COL26A1: variants seen among roughly 807,000 people sequenced by gnomAD.
The protein encoded by COL26A1 is collagen type XXVI alpha 1 chain.
In COL26A1, 41 loss-of-function variants were observed where a neutral mutation model predicts 59.3. The observed-to-expected ratio is 0.69, with a 90% CI of 0.54 to 0.90. The LOEUF (loss-of-function observed/expected upper bound fraction) is 0.90. COL26A1 is among the 40% of genes least tolerant of loss of function. COL26A1 has a pLI of 0.00. For missense variants in COL26A1, 612 were observed against 602.3 expected, an observed-to-expected ratio of 1.02 and a Z score of -0.17; for synonymous variants, 266 against 256.0, an observed-to-expected ratio of 1.04 and a Z score of -0.37.
intron 3 of COL26A1, among the ~76,000 whole-genome samples, chr7:101,493,131 G>A (rs1166623976): frequency 1.3e-5 from 2 of 152,164 alleles, no homozygotes; most frequent in African/African-American, 2.4e-5. Context: ...ACATTCAGCC[G>A]GGAAATGTCA....
At chr7:101,512,515 G>A (rs555266779) in intron 3 of COL26A1, among the ~76,000 whole-genome samples, 1 of 152,256 alleles carries the variant, frequency 6.6e-6, no homozygotes, top group East Asian at 1.9e-4. Context: ...CAAGCTACTA[G>A]GGAGGCTGAG....
rs575042646 is a variant in COL26A1 at position 101,426,932 on chromosome 7, G to A, written c.281+6833G>A. Among the ~76,000 whole-genome samples the A allele has an allele frequency of 8.7e-4, 132 of 152,280 alleles. 2 individuals carry two copies. The highest frequency in any genetic ancestry group is 2.8e-3 in the African/African-American group (116 of 41,564). On this transcript the variant is annotated intron_variant, in intron 2 of 12. Coordinates refer to ENST00000313669, the MANE Select transcript of COL26A1 (RefSeq NM_001278563.3). ...AACCCCAGCTGGGCCCTGTGTAGCC[G>A]CCTTGTGTGGTACTCTGTTGCTTAC... is the stretch of plus-strand genomic sequence containing the variant.
chr7:101,362,516 C>T (rs926581800), upstream of COL26A1, among the ~76,000 whole-genome samples: 1 of 152,198 alleles, frequency 6.6e-6, no homozygotes, highest in East Asian at 1.9e-4. Flanking sequence ...GCTTAACTTT[C>T]TCCAGCCTCA....
chr7:101,501,771 C>T (rs568021647), intron 3 of COL26A1, among the ~76,000 whole-genome samples: 4 of 152,270 alleles, frequency 2.6e-5, no homozygotes, highest in Non-Finnish European at 5.9e-5. Context: ...TGTGAGTGTG[C>T]GCCATGGGCT....
chr7:101,380,281 C>T (rs1393071041), intron 1 of COL26A1, among the ~76,000 whole-genome samples: 2 of 149,538 alleles, frequency 1.3e-5, no homozygotes, highest in African/African-American at 2.4e-5. Flanking sequence ...TAAGCTACTG[C>T]ACCCAGCTAC....
At chr7:101,486,458 G>A (rs558696918) in intron 3 of COL26A1, among the ~76,000 whole-genome samples, 24 of 152,238 alleles carry the variant, frequency 1.6e-4, no homozygotes, top group Non-Finnish European at 3.2e-4. Flanking sequence ...ACTTGCACAG[G>A]CAGGTCCCTG....
intron 3 of COL26A1, among the ~76,000 whole-genome samples, chr7:101,473,749 A>G (rs1263827395): frequency 6.6e-6 from 1 of 151,818 alleles, no homozygotes; most frequent in Non-Finnish European, 1.5e-5. Flanking sequence ...GCTACTTGGG[A>G]GATTGTGGTG....
chr7:101,554,860 A>G (rs1294378459), intron 11 of COL26A1, among the ~76,000 whole-genome samples: 1 of 152,092 alleles, frequency 6.6e-6, no homozygotes, highest in Non-Finnish European at 1.5e-5. Flanking sequence ...AGTTGGGGAC[A>G]CGACACTGAC....
intron 1 of COL26A1, among the ~76,000 whole-genome samples, chr7:101,390,618 T>G (rs930217870): frequency 6.6e-6 from 1 of 152,022 alleles, no homozygotes; most frequent in Admixed American, 6.6e-5. Flanking sequence ...AGAAATGGGA[T>G]CTTGCTATAT....
chr7:101,364,272 T>C (rs998412296), intron 1 of COL26A1, among the ~76,000 whole-genome samples: 2 of 152,200 alleles, frequency 1.3e-5, no homozygotes, highest in Non-Finnish European at 2.9e-5. Flanking sequence ...AACTACAACC[T>C]ACACAGCTAT....
At chr7:101,387,760 A>ATTT (rs1791620097) in intron 1 of COL26A1, among the ~76,000 whole-genome samples, 1 of 33,316 alleles carries the variant, frequency 3.0e-5, no homozygotes, top group Non-Finnish European at 7.1e-5. Context: ...ATATTTATAT[A>ATTT]TATATATATA....
At chr7:101,410,092 G>A (rs2130237133) in intron 1 of COL26A1, among the ~76,000 whole-genome samples, 1 of 152,168 alleles carries the variant, frequency 6.6e-6, no homozygotes, top group East Asian at 1.9e-4. Context: ...GGTTTGGTGG[G>A]CAGGGGGCTA....
At chr7:101,551,237 G>GGGTTGGGGGGGGGGC in intron 10 of COL26A1, 94 bp downstream of exon 10, 1 of 386,366 alleles carries the variant, frequency 2.6e-6, no homozygotes. Context: ...TGGTGGGGGG[G>GGGTTGGGGGGGGGGC]TTCAGCCCTG....
chr7:101,500,003 C>T (rs1432361127), intron 3 of COL26A1, among the ~76,000 whole-genome samples: 1 of 152,022 alleles, frequency 6.6e-6, no homozygotes, highest in Admixed American at 6.6e-5. Flanking sequence ...ATTCCCATAA[C>T]CATTTGACAG....
chr7:101,387,630 G>GCTCTCTCTCTCTCTCTCTCTCT (rs374185692), intron 1 of COL26A1, among the ~76,000 whole-genome samples: 14 of 132,424 alleles, frequency 1.1e-4, no homozygotes, highest in African/African-American at 4.0e-4. Context: ...TCTCTCTCTC[G>GCTCTCTCTCTCTCTCTCTCTCT]CTCTCTCTCT....
At chr7:101,491,864 C>G (rs1321709764) in intron 3 of COL26A1, among the ~76,000 whole-genome samples, 1 of 152,220 alleles carries the variant, frequency 6.6e-6, no homozygotes, top group Non-Finnish European at 1.5e-5. Context: ...TCTGGGAATG[C>G]ACGCAGTAGA....
chr7:101,463,797 C>CTT (rs1258235234), intron 3 of COL26A1, among the ~76,000 whole-genome samples: 32 of 62,278 alleles, frequency 5.1e-4, no homozygotes, highest in African/African-American at 1.6e-3. Context: ...TCCTTTCTTT[C>CTT]TCTCTCTCTT....
At chr7:101,496,988 A>G (rs959402490) in intron 3 of COL26A1, among the ~76,000 whole-genome samples, 13 of 152,134 alleles carry the variant, frequency 8.5e-5, no homozygotes, top group African/African-American at 2.7e-4. Context: ...CTGTAATCCC[A>G]GCATTTTGGG....
chr7:101,514,332 T>C (rs1794985424), intron 3 of COL26A1, among the ~76,000 whole-genome samples: 1 of 151,760 alleles, frequency 6.6e-6, no homozygotes, highest in Admixed American at 6.6e-5. Context: ...AGTGAGACCC[T>C]GTCTCAAAAA....
Sources: gnomAD v4.1 joint callset for allele counts (sites outside exome capture counted in the v4.1 genomes callset) on GRCh38, gnomAD v4.1.1 for gene constraint, MANE v1.5 for transcripts, NCBI Gene and HGNC (gene_info 2026-07-23, HGNC 2026-07-21) for gene names.